The following LMAN1 variants were observed in gnomAD, a reference collection of about 807,000 sequenced individuals.
LMAN1 encodes lectin, mannose binding 1.
LMAN1 carries 32 observed loss-of-function variants against 67.8 expected under a neutral mutation model. The ratio of observed to expected loss-of-function variants is 0.47; its 90% CI spans 0.36 to 0.63. The LOEUF is 0.63. LMAN1 is among the 30% of genes least tolerant of loss of function. The pLI, the probability that LMAN1 is intolerant of heterozygous loss-of-function variation, is 0.00. For missense variants in LMAN1, 632 were observed against 628.2 expected (o/e 1.01, Z -0.06); for synonymous variants, 235 against 219.3 (o/e 1.07, Z -0.63).
intron 8 of LMAN1, among the ~76,000 whole-genome samples, chr18:59,345,261 C>T (rs1908373850): frequency 6.6e-6 from 1 of 152,174 alleles, no homozygotes; most frequent in Non-Finnish European, 1.5e-5. Context: ...TGACTGGGAA[C>T]AATTCAGATA....
chr18:59,338,508 A>T (rs778822319), intron 10 of LMAN1, 49 bp downstream of exon 10: 3 of 1,481,720 alleles, frequency 2.0e-6, no homozygotes, highest in Non-Finnish European at 2.8e-6. Flanking sequence ...TCACAAATTT[A>T]GGATAAAAAA....
chr18:59,346,466 G>C (rs35367298), intron 7 of LMAN1, among the ~76,000 whole-genome samples: 14,025 of 151,566 alleles, frequency 0.093, 781 homozygotes, highest in Middle Eastern at 0.14. Flanking sequence ...CTCAGGCAAT[G>C]CACCCGCCTC....
At chr18:59,346,236 T>TTTTTAA (rs1555672076) in intron 7 of LMAN1, among the ~76,000 whole-genome samples, 185 bp from the exon 8 acceptor site, 2 of 102,584 alleles carry the variant, frequency 1.9e-5, no homozygotes, top group Non-Finnish European at 4.0e-5. Context: ...TTTTTTTTTT[T>TTTTTAA]AGAGACAAGA....
In LMAN1 at chr18:59,341,982, A is replaced by T. The variant is rs530804378; in HGVS notation, c.956-3029T>A. Among the ~76,000 whole-genome samples, 5 of 152,276 alleles carry T rather than the reference A, an allele frequency of 3.3e-5. No homozygotes were observed. The East Asian group carries it at 9.6e-4, about 29-fold the overall frequency. ...AGAGACGATCCAAATAAACACAATC[A>T]GAAAAGAAGGAGACATTACAACAGA... On this transcript the variant is annotated intron_variant, in intron 8 of 12. Coordinates refer to ENST00000251047, the MANE Select transcript of LMAN1 (RefSeq NM_005570.4).
chr18:59,358,908 G>T, intron 1 of LMAN1, 123 bp downstream of exon 1: 1 of 994,242 alleles, frequency 1.0e-6, no homozygotes, highest in Non-Finnish European at 1.5e-6. Flanking sequence ...CCCCTCCACA[G>T]CGCATATGGT....
intron 8 of LMAN1, among the ~76,000 whole-genome samples, chr18:59,341,007 G>GA (rs1272135916): frequency 6.6e-6 from 1 of 152,046 alleles, no homozygotes; most frequent in Non-Finnish European, 1.5e-5. Flanking sequence ...CACATAGACT[G>GA]AAAGTAAAGA....
At chr18:59,345,888 C>CG in intron 8 of LMAN1, 31 bp downstream of exon 8, 2 of 1,613,048 alleles carry the variant, frequency 1.2e-6, no homozygotes, top group Non-Finnish European at 1.7e-6. Flanking sequence ...AGCCCTGCTG[C>CG]GGCACCCATG....
chr18:59,346,209 C>CTTTTTT (rs370183077), intron 7 of LMAN1, among the ~76,000 whole-genome samples, 158 bp from the exon 8 acceptor site: 1 of 61,588 alleles, frequency 1.6e-5, no homozygotes, highest in Non-Finnish European at 3.3e-5. Context: ...GCAAATTACT[C>CTTTTTT]TTTTTTTTTT....
intron 8 of LMAN1, among the ~76,000 whole-genome samples, chr18:59,339,643 C>G (rs1908242506): frequency 6.6e-6 from 1 of 152,220 alleles, no homozygotes; most frequent in Non-Finnish European, 1.5e-5. Flanking sequence ...TTGGGCACCA[C>G]TGTTGATAGC....
chr18:59,347,320 CAAAAAAAAAAAAAAAAAAAAAAAAA>C (rs58932497), intron 7 of LMAN1, among the ~76,000 whole-genome samples, 168 bp downstream of exon 7: 1,208 of 70,380 alleles, frequency 0.017, 20 homozygotes, highest in African/African-American at 0.065. Flanking sequence ...GACTCCGTCT[CAAAAAAAAAAAAAAAAAAAAAAAAA>C]AAAAAAAAAA....
rs933701019 is a variant in LMAN1 at position 59,358,921 on chromosome 18, G to A, written c.214+110C>T. The A allele has an allele frequency of 8.2e-6, 9 of 1,100,338 alleles. No homozygotes were observed. In the African/African-American group the frequency reaches 1.4e-4, roughly 17 times the overall value. 68.2% of individuals were successfully genotyped at this position (1,100,338 alleles called of 1,614,324 possible). A position where few individuals can be genotyped will look rare whatever the true frequency, so the allele number is the denominator to read the frequency against. On this transcript the variant is annotated intron_variant, in intron 1 of 12. Transcript: ENST00000251047. ...GTCCCCTCCACAGCGCATATGGTGT[G>A]CAGCTGCTGGAACGGGAACCTCAGC... is the stretch of plus-strand genomic sequence containing the variant.
At chr18:59,337,740 A>G (rs1415988725) in intron 10 of LMAN1, among the ~76,000 whole-genome samples, 3 of 152,222 alleles carry the variant, frequency 2.0e-5, no homozygotes, top group African/African-American at 7.2e-5. Context: ...TTAAAATGCA[A>G]AGAGAAAAAT....
chr18:59,346,339 G>T (rs991095891), intron 7 of LMAN1, among the ~76,000 whole-genome samples: 1 of 147,876 alleles, frequency 6.8e-6, no homozygotes, highest in African/African-American at 2.5e-5. Context: ...TCCTGCCTCA[G>T]CCTCCCGAGT....
chr18:59,334,541 G>A (rs1908100016), intron 10 of LMAN1, among the ~76,000 whole-genome samples: 1 of 152,194 alleles, frequency 6.6e-6, no homozygotes, highest in Admixed American at 6.5e-5. Flanking sequence ...AGTGAAAAGA[G>A]GGCTGGACAG....
chr18:59,346,912 C>T (rs1381243241), intron 7 of LMAN1, among the ~76,000 whole-genome samples: 2 of 151,798 alleles, frequency 1.3e-5, no homozygotes, highest in African/African-American at 2.4e-5. Flanking sequence ...GTGGCCAGTA[C>T]AAACATTTCT....
At chr18:59,338,417 C>T (rs1908210916) in intron 10 of LMAN1, 140 bp downstream of exon 10, 3 of 710,826 alleles carry the variant, frequency 4.2e-6, no homozygotes, top group African/African-American at 3.5e-5. Context: ...TATTTATGGT[C>T]CCCTATTTGT....
At position 59,345,948 on chromosome 18, in the gene LMAN1, T is replaced by C; in HGVS notation, c.926A>G (p.Lys309Arg). Residue 309 changes from lysine to arginine, a missense_variant, in exon 8 of 13, where the codon AAG becomes AGG. Transcript: ENST00000251047. ...ELDKKKEEFQ[K>R]GHPDLQGQPA... is the part of the protein sequence containing the mutation. ...CTGCCCTTGGAGGTCGGGGTGGCCCTTCTGGAATTCCTCTTTTTTTTTATC... is the reference window on the plus strand; with the variant it reads ...CTGCCCTTGGAGGTCGGGGTGGCCCCTCTGGAATTCCTCTTTTTTTTTATC... 1 of 1,614,030 alleles carries C rather than the reference T, an allele frequency of 6.2e-7. No individual in the cohort carries two copies. The highest frequency in any genetic ancestry group is 8.5e-7 in the Non-Finnish European group (1 of 1,180,030).
intron 10 of LMAN1, among the ~76,000 whole-genome samples, chr18:59,337,531 T>C (rs68049063): frequency 0.096 from 14,600 of 152,236 alleles, 860 homozygotes; most frequent in African/African-American, 0.15. Flanking sequence ...GAAGAATGTA[T>C]AGAAACTTCC....
chr18:59,334,355 G>T (rs187648184), intron 10 of LMAN1, among the ~76,000 whole-genome samples: 1 of 152,296 alleles, frequency 6.6e-6, no homozygotes, highest in Admixed American at 6.5e-5. Flanking sequence ...TTTGCAAGAA[G>T]AATGAAATAT....
Sources: allele counts gnomAD v4.1 joint callset (sites outside exome capture counted in the v4.1 genomes callset), GRCh38; gene constraint gnomAD v4.1.1; transcripts MANE v1.5; gene names NCBI Gene and HGNC (gene_info 2026-07-23, HGNC 2026-07-21).